The following TCF12 variants were observed in gnomAD, a reference collection of about 807,000 sequenced individuals.
TCF12 encodes the protein transcription factor 12.
TCF12 carries 45 observed loss-of-function variants against 86.0 expected under a neutral mutation model. That is an observed-to-expected ratio of 0.52 (90% CI 0.41 to 0.67). The LOEUF is 0.67. TCF12 is among the 30% of genes least tolerant of loss of function. The pLI is 0.00. For synonymous variants in TCF12, 330 were observed against 299.6 expected, an observed-to-expected ratio of 1.10 and a Z score of -1.05; for missense variants, 881 against 859.9, an observed-to-expected ratio of 1.02 and a Z score of -0.31.
At chr15:56,973,374 A>G (rs1407101035) in intron 3 of TCF12, among the ~76,000 whole-genome samples, 1 of 152,116 alleles carries the variant, frequency 6.6e-6, no homozygotes, top group Non-Finnish European at 1.5e-5. Context: ...GGGATGAGCA[A>G]AAGGGCACAG....
chr15:57,223,649 T>TG (rs1455039863), intron 8 of TCF12, among the ~76,000 whole-genome samples: 6,283 of 136,210 alleles, frequency 0.046, 449 homozygotes, highest in African/African-American at 0.14. Flanking sequence ...TGAGGTTTTT[T>TG]TTTTTTTTTT....
At chr15:57,116,400 C>A (rs746297915) in intron 5 of TCF12, among the ~76,000 whole-genome samples, 1 of 152,074 alleles carries the variant, frequency 6.6e-6, no homozygotes, top group Non-Finnish European at 1.5e-5. Flanking sequence ...TGCTGAAGAG[C>A]AGTGGCATGG....
intron 8 of TCF12, among the ~76,000 whole-genome samples, chr15:57,215,497 T>G (rs1256960748): frequency 1.3e-5 from 2 of 152,166 alleles, no homozygotes; most frequent in African/African-American, 4.8e-5. Flanking sequence ...TTTATTACTC[T>G]GAAAGTCTGT....
chr15:57,007,788 T>C (rs767811589), intron 3 of TCF12, among the ~76,000 whole-genome samples: 3,757 of 53,340 alleles, frequency 0.07, 90 homozygotes, highest in African/African-American at 0.15. Context: ...CTTTCTTTCT[T>C]TCTCTCTTTC....
chr15:57,132,923 TAC>T (rs1305127880), intron 5 of TCF12, among the ~76,000 whole-genome samples: 1 of 152,164 alleles, frequency 6.6e-6, no homozygotes, highest in East Asian at 1.9e-4. Flanking sequence ...TTATGCACTA[TAC>T]AGAGTCACCC....
intron 4 of TCF12, among the ~76,000 whole-genome samples, chr15:57,083,254 T>C (rs1279356956): frequency 1.3e-5 from 2 of 152,190 alleles, no homozygotes; most frequent in Non-Finnish European, 2.9e-5. Flanking sequence ...CATGACTTTT[T>C]ATTATGTACA....
intron 3 of TCF12, among the ~76,000 whole-genome samples, chr15:56,989,299 C>G (rs2063334537): frequency 6.6e-6 from 1 of 152,036 alleles, no homozygotes; most frequent in Non-Finnish European, 1.5e-5. Flanking sequence ...CTCATTTTTC[C>G]TCTTGACCTG....
intron 12 of TCF12, among the ~76,000 whole-genome samples, chr15:57,235,658 G>T (rs1433838815): frequency 6.6e-6 from 1 of 152,126 alleles, no homozygotes; most frequent in Non-Finnish European, 1.5e-5. Flanking sequence ...TGATTGGCTT[G>T]CCATATTCCT....
At position 56,990,231 on chromosome 15, in the gene TCF12, GTGTGTGTGTC is replaced by G. The variant is rs1253393206; in HGVS notation, c.148+69142_148+69151del. Among the ~76,000 whole-genome samples, 11 of 136,100 alleles carry G rather than the reference GTGTGTGTGTC, an allele frequency of 8.1e-5. No individual in the cohort carries two copies. In the East Asian group the frequency reaches 2.2e-3, roughly 27 times the overall value. 89.3% of individuals were successfully genotyped at this position (136,100 alleles called of 152,430 possible). A position where few individuals can be genotyped will look rare whatever the true frequency, so the allele number is the denominator to read the frequency against. ...AGCTTTTCCAGTTAATCTTTATCGT[GTGTGTGTGTC>G]TGTGTGTGCGTGTGCGTGTGTGTGT... On this transcript the variant is annotated intron_variant, in intron 3 of 20. Transcript: ENST00000333725.
At chr15:57,156,112 G>C (rs1181452050) in intron 5 of TCF12, among the ~76,000 whole-genome samples, 1 of 152,166 alleles carries the variant, frequency 6.6e-6, no homozygotes, top group East Asian at 1.9e-4. Flanking sequence ...GTCTCAAAAT[G>C]TATTAAACAA....
chr15:57,225,760 A>C (rs1457818386), intron 8 of TCF12, among the ~76,000 whole-genome samples: 4 of 152,172 alleles, frequency 2.6e-5, no homozygotes, highest in Admixed American at 6.5e-5. Context: ...GCCTCTTTTT[A>C]CTAAATTCCA....
chr15:57,161,769 G>C (rs1467261640), intron 5 of TCF12, among the ~76,000 whole-genome samples: 1 of 152,070 alleles, frequency 6.6e-6, no homozygotes, highest in African/African-American at 2.4e-5. Flanking sequence ...TACAGTTTTT[G>C]TCACAGTAGA....
intron 3 of TCF12, among the ~76,000 whole-genome samples, chr15:56,966,392 T>C (rs564942283): frequency 2.6e-5 from 4 of 152,330 alleles, no homozygotes; most frequent in East Asian, 1.9e-4. Flanking sequence ...CAACCTAATA[T>C]CATGCTGTGT....
At chr15:56,940,912 C>T (rs1397061127) in intron 3 of TCF12, among the ~76,000 whole-genome samples, 3 of 138,864 alleles carry the variant, frequency 2.2e-5, no homozygotes, top group Non-Finnish European at 4.7e-5. Flanking sequence ...CCATGCCCAG[C>T]TGCTCTTTTT....
intron 3 of TCF12, among the ~76,000 whole-genome samples, chr15:56,922,748 A>G (rs1174630450): frequency 6.6e-6 from 1 of 152,058 alleles, no homozygotes; most frequent in Non-Finnish European, 1.5e-5. Context: ...AAATTGTAAT[A>G]AAAAAGCTGT....
chr15:57,227,910 A>G (rs2151904894), intron 8 of TCF12, among the ~76,000 whole-genome samples: 1 of 152,172 alleles, frequency 6.6e-6, no homozygotes, highest in East Asian at 1.9e-4. Flanking sequence ...GTAGATTTTA[A>G]TTATCTTAAA....
rs1372582011 is a variant in TCF12 at position 56,957,875 on chromosome 15, T to G, written c.148+36777T>G. On this transcript the variant is annotated intron_variant, in intron 3 of 20. Coordinates refer to ENST00000333725, the MANE Select transcript of TCF12 (RefSeq NM_207037.2). The stretch of plus-strand genomic sequence containing the variant: ...CTACTTGATCTTTTCTGGTCTTGCT[T>G]TTAAAGATTTGTTAGGTAAGTCTGG... Among the ~76,000 whole-genome samples the G allele has an allele frequency of 4.8e-5, 7 of 145,448 alleles. No homozygotes were observed. In the East Asian group the frequency reaches 1.4e-3, roughly 29 times the overall value.
chr15:57,214,579 TAA>T (rs2058255712), intron 8 of TCF12, among the ~76,000 whole-genome samples: 1 of 152,232 alleles, frequency 6.6e-6, no homozygotes, highest in East Asian at 1.9e-4. Flanking sequence ...GAGATATTTG[TAA>T]AGAAACAGTA....
chr15:57,255,490 G>C (rs1193608284), intron 16 of TCF12, among the ~76,000 whole-genome samples: 1 of 151,984 alleles, frequency 6.6e-6, no homozygotes, highest in Non-Finnish European at 1.5e-5. Context: ...TTTTTGTTTT[G>C]TTTTGCTTTT....
Sources: gnomAD v4.1 joint callset for allele counts (sites outside exome capture counted in the v4.1 genomes callset) on GRCh38, gnomAD v4.1.1 for gene constraint, MANE v1.5 for transcripts, NCBI Gene and HGNC (gene_info 2026-07-23, HGNC 2026-07-21) for gene names.